Variants in THEM4 observed in about 807,000 individuals in gnomAD.
THEM4 encodes thioesterase superfamily member 4.
A neutral mutation model predicts 25.0 loss-of-function variants in THEM4; 22 were observed. The ratio of observed to expected loss-of-function variants is 0.88; its 90% confidence interval spans 0.63 to 1.26. The LOEUF is 1.26. Ranked by LOEUF, THEM4 falls within the 50% of genes most tolerant of loss-of-function variation. The probability of loss-of-function intolerance (pLI) is 0.00; values close to 1 mark genes in which losing one functional copy is unlikely to be tolerated. For synonymous variants in THEM4, 113 were observed against 105.6 expected (o/e 1.07, Z -0.43); for missense variants, 286 against 300.3 (o/e 0.95, Z 0.35).
intron 1 of THEM4, among the ~76,000 whole-genome samples, chr1:151,902,150 G>A (rs1654367126): frequency 6.6e-6 from 1 of 152,246 alleles, no homozygotes; most frequent in South Asian, 2.1e-4. Context: ...TGTGGATGCA[G>A]TGATCAAGGA....
chr1:151,873,494 C>G lies in THEM4; in HGVS notation c.*1394G>C, dbSNP rs1291707212. 1 of 152,200 alleles carries G rather than the reference C, an allele frequency of 6.6e-6. No individual in the cohort carries two copies. Among genetic ancestry groups the G allele is most frequent in the Non-Finnish European group, 1.5e-5 (1 of 68,046 alleles). The allele number at this position is 152,200 out of a possible 1,614,324, so 9.4% of individuals were successfully genotyped here. On this transcript the variant is annotated 3_prime_UTR_variant, in exon 6 of 6. Transcript: ENST00000368814. Reference sequence around the variant, plus strand: ...CAGGTGTGGAGGGGCTGGCCCCCTTCAACTCTCCGTTCATTTTTTAGTTTT... The same window carrying G: ...CAGGTGTGGAGGGGCTGGCCCCCTTGAACTCTCCGTTCATTTTTTAGTTTT...
At chr1:151,889,904 CTTTTTTT>C in intron 2 of THEM4, 1 of 94,790 alleles carries the variant, frequency 1.1e-5, no homozygotes, top group Non-Finnish European at 2.1e-5. Flanking sequence ...AACCAGGCTT[CTTTTTTT>C]TTTTTTTTTT....
chr1:151,889,651 C>G (rs910868699), intron 2 of THEM4: 4 of 311,866 alleles, frequency 1.3e-5, no homozygotes, highest in Non-Finnish European at 2.4e-5. Context: ...TATATAAACG[C>G]TAACAATATA....
rs781510164 is a variant in THEM4, at chr1:151,877,053, A to G, written c.630T>C (p.Val210=). 68 of 1,613,666 alleles carry G rather than the reference A, an allele frequency of 4.2e-5. No homozygotes were observed. The highest frequency in any genetic ancestry group is 5.5e-5 in the Non-Finnish European group (65 of 1,179,802). ...CATCAACACTCTGAACATTACAGGAAACAAAAAATTTCCTTCCTTCAACTT... is the reference window on the plus strand; with the variant it reads ...CATCAACACTCTGAACATTACAGGAGACAAAAAATTTCCTTCCTTCAACTT... ...LDKVEGRKFF[V]SCNVQSVDEK... is the part of the protein sequence containing the mutation. Residue 210 remains valine (V), a synonymous_variant, in exon 5 of 6, where the codon GTT becomes GTC. Transcript: ENST00000368814.
At position 151,872,136 on chromosome 1, in the gene THEM4, C is replaced by T. The variant is rs1653566827; in HGVS notation, c.*2752G>A. Among the ~76,000 whole-genome samples, 1 of 151,020 alleles carries T rather than the reference C, an allele frequency of 6.6e-6. No individual in the cohort carries two copies. Among genetic ancestry groups the T allele is most frequent in the African/African-American group, 2.5e-5 (1 of 40,330 alleles). ...GGGAGAAGGAACTGCCAGCTTCACCCCTGCAGTGCCCCCATGTCTGCTGGG... is the reference window on the plus strand; with the variant it reads ...GGGAGAAGGAACTGCCAGCTTCACCTCTGCAGTGCCCCCATGTCTGCTGGG... On this transcript the variant is annotated 3_prime_UTR_variant, in exon 6 of 6. Coordinates refer to ENST00000368814, the MANE Select transcript of THEM4 (RefSeq NM_053055.5).
chr1:151,890,304 T>C, intron 2 of THEM4: 1 of 403,950 alleles, frequency 2.5e-6, no homozygotes, highest in Non-Finnish European at 5.1e-6. Context: ...TTTTTTCACT[T>C]ACACAATTGT....
chr1:151,889,047 ATAGAT>A (rs1225634101), intron 3 of THEM4, among the ~76,000 whole-genome samples, 162 bp downstream of exon 3: 1 of 152,144 alleles, frequency 6.6e-6, no homozygotes, highest in East Asian at 1.9e-4. Flanking sequence ...TATTAATAAT[ATAGAT>A]AAGATGTCCT....
chr1:151,908,662 C>T (rs1354065568), intron 1 of THEM4, among the ~76,000 whole-genome samples: 1 of 152,208 alleles, frequency 6.6e-6, no homozygotes, highest in East Asian at 1.9e-4. Context: ...ATTTATAAGG[C>T]CTTTATGTTT....
intron 2 of THEM4, chr1:151,890,738 A>G (rs1215699165): frequency 2.0e-5 from 3 of 152,354 alleles, no homozygotes; most frequent in African/African-American, 7.2e-5. Flanking sequence ...ATTGGGGATC[A>G]GTATTATGGT....
intron 1 of THEM4, among the ~76,000 whole-genome samples, chr1:151,895,588 G>T (rs908427167): frequency 6.6e-6 from 1 of 151,534 alleles, no homozygotes; most frequent in East Asian, 1.9e-4. Flanking sequence ...TAAGGGAGAA[G>T]TACTCATCTA....
chr1:151,905,253 G>A (rs1393591272), intron 1 of THEM4, among the ~76,000 whole-genome samples: 1 of 152,180 alleles, frequency 6.6e-6, no homozygotes, highest in East Asian at 1.9e-4. Flanking sequence ...GTTCCTGTGT[G>A]GCAGGGTAGG....
chr1:151,883,282 T>C (rs573187197), intron 4 of THEM4, among the ~76,000 whole-genome samples: 1 of 151,986 alleles, frequency 6.6e-6, no homozygotes, highest in South Asian at 2.1e-4. Context: ...AGCTAATTTT[T>C]TTTTGCATTT....
chr1:151,886,377 C>T lies in THEM4; in HGVS notation c.557+1896G>A, dbSNP rs79682750. Among the ~76,000 whole-genome samples, 893 of 152,272 alleles carry T rather than the reference C, an allele frequency of 5.9e-3. 9 individuals carry two copies. The highest frequency in any genetic ancestry group is 0.021 in the African/African-American group (855 of 41,556). On this transcript the variant is annotated intron_variant, in intron 4 of 5. Transcript: ENST00000368814. ...AGACACAAACACTTTTTGAGATAAA[C>T]AGCAATCTAAATACTTTGTTTCAGC...
Position 151,909,440 on chromosome 1 carries a change from C to A in THEM4, c.19G>T (p.Ala7Ser). Residue 7 changes from alanine to serine, a missense_variant, in exon 1 of 6, where the codon GCG (alanine) becomes TCG (serine). Coordinates refer to ENST00000368814, the MANE Select transcript of THEM4 (RefSeq NM_053055.5). ...AGAGCCCCCAGCGTGCGGAGGCGCGCGGCGCAGCTCCTCAGCATGGCTCCG... is the reference window on the plus strand; with the variant it reads ...AGAGCCCCCAGCGTGCGGAGGCGCGAGGCGCAGCTCCTCAGCATGGCTCCG... MLRSCAARLRTLGALCL... is the reference protein window; with the variant it reads MLRSCASRLRTLGALCL... 3 of 1,452,156 alleles carry A rather than the reference C, an allele frequency of 2.1e-6. No individual in the cohort carries two copies. The highest frequency in any genetic ancestry group is 2.7e-6 in the Non-Finnish European group (3 of 1,110,486). 90.0% of individuals were successfully genotyped at this position (1,452,156 alleles called of 1,614,324 possible).
Position 151,893,170 on chromosome 1 carries a change from G to A in THEM4, c.286+1838C>T, listed in dbSNP as rs376890683. 2.6e-5 allele frequency among the ~76,000 whole-genome samples: 4 copies of A among 151,910 alleles called. No homozygotes were observed. In the East Asian group the frequency reaches 7.7e-4, roughly 29 times the overall value. ...GCAGATCACTTGAATTTAGGAGTTC[G>A]AGACCAGCCCGGCCAACATTGTGAA... On this transcript the variant is annotated intron_variant, in intron 2 of 5. Coordinates refer to ENST00000368814, the MANE Select transcript of THEM4 (RefSeq NM_053055.5).
At chr1:151,885,082 CTTTTATTTATTTATTTATTT>C (rs1653937108) in intron 4 of THEM4, among the ~76,000 whole-genome samples, 1 of 147,078 alleles carries the variant, frequency 6.8e-6, no homozygotes, top group African/African-American at 2.5e-5. Context: ...GTGATTTCAT[CTTTTATTTATTTATTTATTT>C]ATTTATTTAT....
At chr1:151,909,272 G>C (rs933483563) in intron 1 of THEM4, 88 bp downstream of exon 1, 1 of 1,114,890 alleles carries the variant, frequency 9.0e-7, no homozygotes, top group Non-Finnish European at 1.3e-6. Flanking sequence ...TGGCTGGTTG[G>C]GGTATGGATA....
At chr1:151,898,110 T>C (rs774494921) in intron 1 of THEM4, among the ~76,000 whole-genome samples, 15 of 152,152 alleles carry the variant, frequency 9.9e-5, no homozygotes, top group Non-Finnish European at 1.9e-4. Context: ...GGGGAGGGCA[T>C]GAACCCGGCT....
intron 4 of THEM4, among the ~76,000 whole-genome samples, chr1:151,884,678 C>CTTTTT (rs1393102218): frequency 1.0e-5 from 1 of 95,564 alleles, no homozygotes. Context: ...CTTTCATTTC[C>CTTTTT]TTTTTTTTGT....
Sources: gnomAD v4.1 joint callset for allele counts (sites outside exome capture counted in the v4.1 genomes callset) on GRCh38, gnomAD v4.1.1 for gene constraint, MANE v1.5 for transcripts, NCBI Gene and HGNC (gene_info 2026-07-23, HGNC 2026-07-21) for gene names.